PCDHGA4: variants seen among roughly 807,000 people sequenced by gnomAD.
PCDHGA4 encodes protocadherin gamma-A4.
Under a neutral mutation model 54.6 loss-of-function variants are expected in PCDHGA4, and 38 were observed. That is an observed-to-expected ratio of 0.70 (90% CI 0.54 to 0.91). The LOEUF is 0.91. Ranked by LOEUF, PCDHGA4 falls within the 40% of genes least tolerant of loss-of-function variation. PCDHGA4 has a pLI of 0.00. For synonymous variants in PCDHGA4, 511 were observed against 512.9 expected (o/e 1.00, Z 0.05); for missense variants, 1,298 against 1,220.9 (o/e 1.06, Z -0.94).
intron 1 of PCDHGA4, among the ~76,000 whole-genome samples, chr5:141,397,282 T>A (rs2150702726): frequency 6.6e-6 from 1 of 152,350 alleles, no homozygotes; most frequent in South Asian, 2.1e-4. Context: ...ATGGGCAGTA[T>A]ACTTGAATGA....
chr5:141,374,154 G>A (rs376984494), intron 1 of PCDHGA4: 19 of 1,611,790 alleles, frequency 1.2e-5, no homozygotes, highest in East Asian at 2.2e-5. Flanking sequence ...GGGACGCTGT[G>A]GGGGGCCGCG....
chr5:141,428,423 G>C (rs939814279), intron 1 of PCDHGA4: 1 of 440,550 alleles, frequency 2.3e-6, no homozygotes, highest in Non-Finnish European at 4.3e-6. Flanking sequence ...CCTGGTCTCT[G>C]TTCTAAGACT....
intron 1 of PCDHGA4, chr5:141,422,768 T>C: frequency 6.2e-7 from 1 of 1,613,824 alleles, no homozygotes. Context: ...AACACTGGTG[T>C]TCTCTATGCC....
Position 141,356,781 on chromosome 5 carries a change from C to T in PCDHGA4, c.1674C>T (p.Asp558=), listed in dbSNP as rs1283298269. The change falls in exon 1 of 4, where the codon GAC becomes GAT. Residue 558 remains aspartate (D), a synonymous_variant. Transcript: ENST00000571252. ...LCSFDYEQFR[D]LQLLMTASDS... ...CCTTCGACTATGAGCAGTTTAGAGA[C>T]CTGCAGCTGCTGATGACAGCCAGTG... 4.3e-6 allele frequency: 7 copies of T among 1,613,876 alleles called. No individual in the cohort carries two copies. The highest frequency in any genetic ancestry group is 4.5e-5 in the East Asian group (2 of 44,890).
At position 141,433,188 on chromosome 5, in the gene PCDHGA4, G is replaced by A. The variant is rs2097573612; in HGVS notation, c.2515-61619G>A. The A allele has an allele frequency of 2.5e-6, 4 of 1,583,816 alleles. No homozygotes were observed. The South Asian group carries it at 3.5e-5, about 14-fold the overall frequency. On this transcript the variant is annotated intron_variant, in intron 1 of 3. Coordinates refer to ENST00000571252, the MANE Select transcript of PCDHGA4 (RefSeq NM_018917.4). ...GACAGTCATGGGTTAATTGAGGTGA[G>A]TTTATATCAAATCTTCTTTCTTTTT...
At chr5:141,492,468 G>A (rs927514972) in intron 1 of PCDHGA4, among the ~76,000 whole-genome samples, 1 of 152,232 alleles carries the variant, frequency 6.6e-6, no homozygotes, top group Admixed American at 6.5e-5. Flanking sequence ...GAGGGTCCCA[G>A]ATCGCGGCCG....
chr5:141,486,734 C>G lies in PCDHGA4; in HGVS notation c.2515-8073C>G, dbSNP rs2099634292. On this transcript the variant is annotated intron_variant, in intron 1 of 3. Transcript: ENST00000571252. This position sits in a 1 kb window ranked among gnomAD's most constrained non-coding sequence, Gnocchi z 5.0. ...CCAGACAGGAGCTGTTCATGCTACT[C>G]GATCCTTTGACTATGAGCAAACCCA... 6.2e-7 allele frequency: 1 copy of G among 1,614,070 alleles called. No individual in the cohort carries two copies. The highest frequency in any genetic ancestry group is 1.7e-5 in the Admixed American group (1 of 60,000).
intron 1 of PCDHGA4, chr5:141,400,564 C>T: frequency 6.2e-7 from 1 of 1,612,936 alleles, no homozygotes; most frequent in South Asian, 1.1e-5. Context: ...ATTACCCACC[C>T]AATTTTCTGT....
Position 141,375,503 on chromosome 5 carries a change from G to A in PCDHGA4, c.2514+17882G>A. 1.5e-5 allele frequency: 24 copies of A among 1,613,982 alleles called. 1 individual carries two copies. The highest frequency in any genetic ancestry group is 2.0e-5 in the Non-Finnish European group (24 of 1,179,940). On this transcript the variant is annotated intron_variant, in intron 1 of 3. Transcript: ENST00000571252. ...CCCCAGGGGTGCCTCCATCTTCTCT[G>A]TGAATGCACTGGACCCTGACGTGGA...
chr5:141,394,961 G>A, intron 1 of PCDHGA4: 1 of 1,613,920 alleles, frequency 6.2e-7, no homozygotes, highest in Non-Finnish European at 8.5e-7. Flanking sequence ...GGCTCAGGCT[G>A]AGGCGCTGGC....
chr5:141,409,666 C>T, intron 1 of PCDHGA4: 3 of 1,613,554 alleles, frequency 1.9e-6, no homozygotes, highest in Non-Finnish European at 2.5e-6. Flanking sequence ...GCCACATCTC[C>T]TACTCTATAG....
rs1485764871 is a variant in PCDHGA4, at chr5:141,486,709, C to A, written c.2515-8098C>A. On this transcript the variant is annotated intron_variant, in intron 1 of 3. Coordinates refer to ENST00000571252, the MANE Select transcript of PCDHGA4 (RefSeq NM_018917.4). The surrounding 1 kb of genome is among the most constrained non-coding windows in gnomAD (Gnocchi z 5.0). ...CTTCCTCTTTCATCTCTCTGAACCC[C>A]CAGACAGGAGCTGTTCATGCTACTC... 6.2e-7 allele frequency: 1 copy of A among 1,614,182 alleles called. No homozygotes were observed. Among genetic ancestry groups the A allele is most frequent in the Admixed American group, 1.7e-5 (1 of 60,022 alleles).
In PCDHGA4 at chr5:141,365,449, T is replaced by C. The variant is rs546328235; in HGVS notation, c.2514+7828T>C. The C allele has an allele frequency of 6.1e-5, 99 of 1,614,052 alleles. 1 individual carries two copies. The East Asian group carries it at 2.2e-3, about 35-fold the overall frequency. On this transcript the variant is annotated intron_variant, in intron 1 of 3. Transcript: ENST00000571252. Reference sequence around the variant, plus strand: ...TAATCGCGCTGTTTAGCGTACATGATGGTGATTCTGGAGAAAATGGTGAGA... The same window carrying C: ...TAATCGCGCTGTTTAGCGTACATGACGGTGATTCTGGAGAAAATGGTGAGA...
At chr5:141,479,470 T>G (rs2099497188) in intron 1 of PCDHGA4, 1 of 152,250 alleles carries the variant, frequency 6.6e-6, no homozygotes, top group African/African-American at 2.4e-5. Context: ...CAGTGACCTC[T>G]TGGGAGGGCA....
At chr5:141,458,728 T>A (rs1010109573) in intron 1 of PCDHGA4, among the ~76,000 whole-genome samples, 1 of 151,870 alleles carries the variant, frequency 6.6e-6, no homozygotes, top group Non-Finnish European at 1.5e-5. Context: ...CGCCACCACA[T>A]CCAGCTATTG....
intron 1 of PCDHGA4, among the ~76,000 whole-genome samples, chr5:141,438,641 C>T (rs1285585706): frequency 0.044 from 3,509 of 79,018 alleles, 123 homozygotes; most frequent in Non-Finnish European, 0.061. Flanking sequence ...TATATACACA[C>T]ACACACACAC....
At chr5:141,405,555 G>C in intron 1 of PCDHGA4, 1 of 620,228 alleles carries the variant, frequency 1.6e-6, no homozygotes, top group Non-Finnish European at 2.8e-6. Context: ...AAGTAGAGTA[G>C]CTGGGACTAG....
intron 1 of PCDHGA4, chr5:141,398,938 G>A: frequency 6.2e-7 from 1 of 1,613,958 alleles, no homozygotes; most frequent in African/African-American, 1.3e-5. Context: ...TGACCAAGAC[G>A]AGGGCATCAA....
chr5:141,497,239 G>A (rs2099775226), intron 2 of PCDHGA4, among the ~76,000 whole-genome samples: 1 of 152,104 alleles, frequency 6.6e-6, no homozygotes, highest in Admixed American at 6.5e-5. Flanking sequence ...AAGGCTTCTA[G>A]GAGGAGGTGA....
Sources: gnomAD v4.1 joint callset for allele counts (sites outside exome capture counted in the v4.1 genomes callset) on GRCh38, gnomAD v4.1.1 for gene constraint, Gnocchi (gnomAD v3.1) non-coding constraint, MANE v1.5 for transcripts, NCBI Gene and HGNC (gene_info 2026-07-23, HGNC 2026-07-21) for gene names.